SETBP1: variants seen among roughly 807,000 people sequenced by gnomAD.
The protein encoded by SETBP1 is SET binding protein 1, also known as SET-binding protein.
Under a neutral mutation model 101.0 loss-of-function variants are expected in SETBP1, and 9 were observed. The ratio of observed to expected loss-of-function variants is 0.09; its 90% CI spans 0.05 to 0.16. The LOEUF (loss-of-function observed/expected upper bound fraction) is 0.16. Among genes scored for constraint, SETBP1 ranks in the 10% least tolerant of loss-of-function variants. The probability of loss-of-function intolerance (pLI) is 1.00; values close to 1 mark genes in which losing one functional copy is unlikely to be tolerated. For missense variants in SETBP1, 1,858 were observed against 2,033.8 expected (o/e 0.91, Z 1.66); for synonymous variants, 818 against 788.5 (o/e 1.04, Z -0.63).
At chr18:44,830,266 T>A (rs1568168583) in intron 2 of SETBP1, among the ~76,000 whole-genome samples, 1 of 152,298 alleles carries the variant, frequency 6.6e-6, no homozygotes, top group East Asian at 1.9e-4. Flanking sequence ...TGACCCAAAG[T>A]CAGAAAGGAC....
chr18:44,869,169 G>T, intron 2 of SETBP1, 61 bp from the exon 3 acceptor site: 1 of 1,448,286 alleles, frequency 6.9e-7, no homozygotes. Context: ...GTCAGTTGTC[G>T]TGGGGATACT....
chr18:44,743,467 G>A (rs1367152106), intron 2 of SETBP1, among the ~76,000 whole-genome samples: 1 of 152,156 alleles, frequency 6.6e-6, no homozygotes, highest in Non-Finnish European at 1.5e-5. Context: ...CAAAGGTACA[G>A]CACCCCCCCA....
At chr18:44,774,341 G>T (rs2070945005) in intron 2 of SETBP1, among the ~76,000 whole-genome samples, 1 of 151,742 alleles carries the variant, frequency 6.6e-6, no homozygotes, top group African/African-American at 2.4e-5. Context: ...CCCTTCAGGA[G>T]AGAGTATATG....
intron 2 of SETBP1, among the ~76,000 whole-genome samples, chr18:44,858,091 G>C (rs542364302): frequency 7.2e-5 from 11 of 152,172 alleles, no homozygotes; most frequent in Non-Finnish European, 1.5e-4. Flanking sequence ...CAAAGGACGA[G>C]GAAGTATACA....
chr18:44,698,530 C>A (rs2069058478), intron 1 of SETBP1, among the ~76,000 whole-genome samples: 1 of 152,158 alleles, frequency 6.6e-6, no homozygotes, highest in African/African-American at 2.4e-5. Context: ...ACACGCCTGC[C>A]CAGGACGTGG....
At chr18:44,855,098 T>G (rs1477081261) in intron 2 of SETBP1, among the ~76,000 whole-genome samples, 1 of 152,216 alleles carries the variant, frequency 6.6e-6, no homozygotes, top group Non-Finnish European at 1.5e-5. Flanking sequence ...AGGCCTTCCC[T>G]GATCAGCTTA....
chr18:44,945,469 C>T lies in SETBP1; in HGVS notation c.541-4412C>T, dbSNP rs140132962. Among the ~76,000 whole-genome samples the T allele has an allele frequency of 1.5e-3, 235 of 152,278 alleles. 1 individual carries two copies. Among genetic ancestry groups the T allele is most frequent in the African/African-American group, 5.1e-3 (214 of 41,554 alleles). The stretch of plus-strand genomic sequence containing the variant: ...GTTTTCAGAGTTTCACTGAAGCATT[C>T]GACCTAGGCTCAATGTACATGGAAA... On this transcript the variant is annotated intron_variant, in intron 3 of 5. Coordinates refer to ENST00000649279, the MANE Select transcript of SETBP1 (RefSeq NM_015559.3).
rs57238497 is a variant in SETBP1, at chr18:44,839,245, G to T, written c.487-29985G>T. ...ATGAACCCCAGAAATTGTGCTCCTT[G>T]GTGGGATCAGGGTGAAGAGCCACCA... On this transcript the variant is annotated intron_variant, in intron 2 of 5. Coordinates refer to ENST00000649279, the MANE Select transcript of SETBP1 (RefSeq NM_015559.3). Among the ~76,000 whole-genome samples, 1,043 of 152,038 alleles carry T rather than the reference G, an allele frequency of 6.9e-3. 13 individuals are homozygous for T. Among genetic ancestry groups the T allele is most frequent in the African/African-American group, 0.024 (979 of 41,434 alleles).
At chr18:44,737,052 A>G (rs1041906428) in intron 2 of SETBP1, among the ~76,000 whole-genome samples, 4 of 152,242 alleles carry the variant, frequency 2.6e-5, no homozygotes, top group African/African-American at 9.6e-5. Context: ...GTAAAAGAAT[A>G]AATGATGAAT....
chr18:44,780,944 G>A (rs553313408), intron 2 of SETBP1, among the ~76,000 whole-genome samples: 1 of 152,154 alleles, frequency 6.6e-6, no homozygotes, highest in African/African-American at 2.4e-5. Context: ...CTGGCTGGCG[G>A]GGGAAAGAGT....
chr18:45,001,747 T>C (rs1242318380), intron 4 of SETBP1, among the ~76,000 whole-genome samples: 2 of 152,116 alleles, frequency 1.3e-5, no homozygotes, highest in Non-Finnish European at 2.9e-5. Context: ...CAGGGACAGG[T>C]AACATACCAA....
chr18:44,930,857 A>G (rs2070816099), intron 3 of SETBP1, among the ~76,000 whole-genome samples: 3 of 150,868 alleles, frequency 2.0e-5, no homozygotes, highest in Admixed American at 2.0e-4. Context: ...CTAGCAGTCT[A>G]TCAATTTTGT....
intron 2 of SETBP1, among the ~76,000 whole-genome samples, chr18:44,706,146 A>G (rs374887595): frequency 6.6e-6 from 1 of 152,260 alleles, no homozygotes; most frequent in East Asian, 1.9e-4. Flanking sequence ...GACCCCACAC[A>G]TGTAACTTGT....
chr18:44,839,958 G>T (rs16960301), intron 2 of SETBP1, among the ~76,000 whole-genome samples: 1 of 152,174 alleles, frequency 6.6e-6, no homozygotes, highest in Non-Finnish European at 1.5e-5. Context: ...GCAGGAAAAC[G>T]TAAGAAGGAG....
intron 2 of SETBP1, among the ~76,000 whole-genome samples, chr18:44,737,262 T>C (rs79710371): frequency 2.4e-3 from 363 of 152,312 alleles, no homozygotes; most frequent in Non-Finnish European, 4.0e-3. Flanking sequence ...CACAAACTTC[T>C]TGGCTGACTG....
At chr18:44,869,116 C>T in intron 2 of SETBP1, 114 bp from the exon 3 acceptor site, 2 of 942,034 alleles carry the variant, frequency 2.1e-6, no homozygotes, top group South Asian at 2.6e-5. Flanking sequence ...TCTGCGATCC[C>T]ACTTCTGTAG....
chr18:44,782,868 T>C (rs553067843), intron 2 of SETBP1, among the ~76,000 whole-genome samples: 19 of 152,308 alleles, frequency 1.2e-4, no homozygotes, highest in African/African-American at 4.6e-4. Context: ...AATTATATCT[T>C]ACCACTGGGA....
At chr18:44,790,966 T>C (rs562148122) in intron 2 of SETBP1, among the ~76,000 whole-genome samples, 2 of 152,298 alleles carry the variant, frequency 1.3e-5, no homozygotes, top group East Asian at 3.9e-4. Context: ...TTTTCAGAAA[T>C]GCTAATTGAA....
chr18:44,821,907 AC>A (rs1157034847), intron 2 of SETBP1, among the ~76,000 whole-genome samples: 1 of 152,158 alleles, frequency 6.6e-6, no homozygotes, highest in Non-Finnish European at 1.5e-5. Context: ...CAAGAGCTGT[AC>A]CCCACATCTG....
Sources: gnomAD v4.1 joint callset for allele counts (sites outside exome capture counted in the v4.1 genomes callset) on GRCh38, gnomAD v4.1.1 for gene constraint, MANE v1.5 for transcripts, NCBI Gene and HGNC (gene_info 2026-07-23, HGNC 2026-07-21) for gene names.